Variants in ILRUN observed in about 807,000 individuals in gnomAD.
ILRUN encodes inflammation and lipid regulator with UBA-like and NBR1-like domains.
A neutral mutation model predicts 33.8 loss-of-function variants in ILRUN; 3 were observed. That is an observed-to-expected ratio of 0.09 (90% CI 0.04 to 0.23). The LOEUF (loss-of-function observed/expected upper bound fraction) is 0.23, where lower values mean the gene tolerates loss of function less well. Ranked by LOEUF, ILRUN falls within the 10% of genes least tolerant of loss-of-function variation. The probability of loss-of-function intolerance (pLI) is 1.00; values close to 1 mark genes in which losing one functional copy is unlikely to be tolerated. For missense variants in ILRUN, 210 were observed against 375.1 expected, an observed-to-expected ratio of 0.56 and a Z score of 3.64; for synonymous variants, 124 against 138.9, an observed-to-expected ratio of 0.89 and a Z score of 0.75.
At chr6:34,693,121 T>C (rs1203173141) in intron 1 of ILRUN, among the ~76,000 whole-genome samples, 1 of 151,258 alleles carries the variant, frequency 6.6e-6, no homozygotes, top group African/African-American at 2.4e-5. Context: ...TAGGTAAACA[T>C]AGGAATCAAA....
At chr6:34,679,925 A>G (rs544564785) in intron 1 of ILRUN, among the ~76,000 whole-genome samples, 1 of 152,376 alleles carries the variant, frequency 6.6e-6, no homozygotes, top group African/African-American at 2.4e-5. Context: ...AAGAGGCAAG[A>G]AGGGATGCTG....
At chr6:34,687,708 A>ATATATATAT (rs1470309318) in intron 1 of ILRUN, among the ~76,000 whole-genome samples, 5 of 143,332 alleles carry the variant, frequency 3.5e-5, no homozygotes, top group African/African-American at 1.3e-4. Flanking sequence ...CAAAAAAAAA[A>ATATATATAT]ATATATATAT....
chr6:34,595,506 T>C (rs1485763062), intron 4 of ILRUN, among the ~76,000 whole-genome samples: 2 of 152,162 alleles, frequency 1.3e-5, no homozygotes, highest in African/African-American at 2.4e-5. Flanking sequence ...GCCTTGCACA[T>C]AGTAGACTCA....
rs1346226094 is a variant in ILRUN, at chr6:34,646,238, C to T, written c.511+363G>A. 6.6e-6 allele frequency among the ~76,000 whole-genome samples: 1 copy of T among 152,158 alleles called. No homozygotes were observed. Among genetic ancestry groups the T allele is most frequent in the Admixed American group, 6.5e-5 (1 of 15,270 alleles). On this transcript the variant is annotated intron_variant, in intron 3 of 4. Transcript: ENST00000374023. The surrounding 1 kb of genome is among the most constrained non-coding windows in gnomAD (Gnocchi z 4.9). ...ACAAGTAGGTTGGAAGAAGTATGCA[C>T]ATTTTGTGCATTATCTGTTTTATAT...
intron 3 of ILRUN, among the ~76,000 whole-genome samples, chr6:34,629,125 T>C (rs139765056): frequency 1.8e-3 from 273 of 152,252 alleles, no homozygotes; most frequent in African/African-American, 6.0e-3. Context: ...AAAAAGAGAA[T>C]GAGTATAATT....
intron 1 of ILRUN, among the ~76,000 whole-genome samples, chr6:34,693,887 G>A (rs368387834): frequency 3.4e-4 from 51 of 151,804 alleles, no homozygotes; most frequent in Admixed American, 1.8e-3. Flanking sequence ...GCAATGGTGC[G>A]ATTTCAGCTC....
chr6:34,695,695 C>G (rs1484713364), intron 1 of ILRUN, among the ~76,000 whole-genome samples: 1 of 151,888 alleles, frequency 6.6e-6, no homozygotes, highest in Non-Finnish European at 1.5e-5. Flanking sequence ...AAGTTCCTTC[C>G]CCCAAGATCA....
At chr6:34,683,443 T>TAC (rs1562032905) in intron 1 of ILRUN, among the ~76,000 whole-genome samples, 22 of 73,298 alleles carry the variant, frequency 3.0e-4, no homozygotes, top group African/African-American at 1.3e-3. Context: ...TATATATACA[T>TAC]ATATATATAC....
rs780732998 is a variant in ILRUN at position 34,696,440 on chromosome 6, G to A, written c.158+6C>T. ...TGCCAGCGCTGGCACTGCGGGGCCG[G>A]CTCACCAGTTGGTCATGTCCAGGAA... is the stretch of plus-strand genomic sequence containing the variant. On this transcript the variant is annotated splice_donor_region_variant and intron_variant, in intron 1 of 4. Transcript: ENST00000374023. The A allele has an allele frequency of 6.4e-7, 1 of 1,553,402 alleles. No homozygotes were observed.
chr6:34,620,203 G>A (rs572050774), intron 3 of ILRUN, among the ~76,000 whole-genome samples: 2 of 152,040 alleles, frequency 1.3e-5, no homozygotes, highest in Admixed American at 6.6e-5. Context: ...AATAAGTTTT[G>A]ACTTAGGAAT....
chr6:34,651,425 C>T (rs893337022), intron 2 of ILRUN, among the ~76,000 whole-genome samples: 5 of 152,002 alleles, frequency 3.3e-5, no homozygotes, highest in Non-Finnish European at 4.4e-5. Flanking sequence ...TTTGGGGGTT[C>T]TGATTTGACA....
intron 2 of ILRUN, among the ~76,000 whole-genome samples, chr6:34,648,172 G>GTT (rs1762595973): frequency 6.6e-6 from 1 of 152,154 alleles, no homozygotes; most frequent in African/African-American, 2.4e-5. Flanking sequence ...ACTGTAGACA[G>GTT]AAACTTCTAT....
chr6:34,696,735 C>T lies in ILRUN; in HGVS notation c.-132G>A. On this transcript the variant is annotated 5_prime_UTR_variant, in exon 1 of 5. Transcript: ENST00000374023. ...CCGCTCCTTTGAGGTAGGCCCCGGGCCTCTCACAGTCTCATAGGGGTAAAC... is the reference window on the plus strand; with the variant it reads ...CCGCTCCTTTGAGGTAGGCCCCGGGTCTCTCACAGTCTCATAGGGGTAAAC... The T allele has an allele frequency of 1.2e-6, 1 of 846,504 alleles. No homozygotes were observed. 52.4% of individuals were successfully genotyped at this position (846,504 alleles called of 1,614,324 possible). A position where few individuals can be genotyped will look rare whatever the true frequency, so the allele number is the denominator to read the frequency against.
chr6:34,683,465 TATATATAC>T (rs1562033029), intron 1 of ILRUN, among the ~76,000 whole-genome samples: 1,299 of 101,834 alleles, frequency 0.013, 28 homozygotes, highest in African/African-American at 0.044. Context: ...TATATATACA[TATATATAC>T]ACATATATAT....
chr6:34,606,993 A>T (rs1483610138), intron 3 of ILRUN, 89 bp from the exon 4 acceptor site: 1 of 960,336 alleles, frequency 1.0e-6, no homozygotes, highest in African/African-American at 1.6e-5. Context: ...CATTATCCAA[A>T]CCACAGAATG....
At chr6:34,617,069 T>C (rs890007647) in intron 3 of ILRUN, 2 of 532,034 alleles carry the variant, frequency 3.8e-6, no homozygotes, top group African/African-American at 1.9e-5. Context: ...TGGCATCACC[T>C]GCATGGAGGA....
At chr6:34,672,726 CAT>C in intron 1 of ILRUN, among the ~76,000 whole-genome samples, 1 of 151,950 alleles carries the variant, frequency 6.6e-6, no homozygotes, top group African/African-American at 2.4e-5. Flanking sequence ...AAAAAGAAAA[CAT>C]AATTACAGAA....
intron 3 of ILRUN, among the ~76,000 whole-genome samples, chr6:34,641,727 C>T (rs1270327806): frequency 1.3e-5 from 2 of 152,062 alleles, no homozygotes; most frequent in African/African-American, 4.8e-5. Flanking sequence ...AAACAACTTA[C>T]AGACTATTAA....
At chr6:34,670,300 A>C (rs1378928865) in intron 1 of ILRUN, among the ~76,000 whole-genome samples, 1 of 152,182 alleles carries the variant, frequency 6.6e-6, no homozygotes, top group Admixed American at 6.5e-5. Flanking sequence ...AGGCAGAAAA[A>C]AATCTTACTG....
Sources: allele counts gnomAD v4.1 joint callset (sites outside exome capture counted in the v4.1 genomes callset), GRCh38; gene constraint gnomAD v4.1.1; non-coding constraint Gnocchi (gnomAD v3.1); transcripts MANE v1.5; gene names NCBI Gene and HGNC (gene_info 2026-07-23, HGNC 2026-07-21).